The following STAT5B variants were observed in gnomAD, a reference collection of about 807,000 sequenced individuals.
The protein encoded by STAT5B is transcription factor STAT5B.
In STAT5B, 21 loss-of-function variants were observed where a neutral mutation model predicts 107.8. That is an observed-to-expected ratio of 0.19 (90% CI 0.14 to 0.28). STAT5B has a LOEUF of 0.28. Among genes scored for constraint, STAT5B ranks in the 10% least tolerant of loss-of-function variants. STAT5B has a pLI of 1.00. For missense variants in STAT5B, 565 were observed against 1,008.2 expected (o/e 0.56, Z 5.95); for synonymous variants, 325 against 401.7 (o/e 0.81, Z 2.28).
At chr17:42,280,848 C>G (rs1036026146), upstream of STAT5B, among the ~76,000 whole-genome samples, 3 of 152,064 alleles carry the variant, frequency 2.0e-5, no homozygotes, top group African/African-American at 7.2e-5. Flanking sequence ...AACTTACTAG[C>G]TGTTGGCCGG....
chr17:42,211,995 G>T lies in STAT5B; in HGVS notation c.1669C>A (p.Gln557Lys). ...DYSGLSVSWS[Q>K]FNRENLPGRN... ...GCTGGGCTCCTCACCCTGTTGAACT[G>T]GGACCAGGACACAGACAGGCCACTG... The change falls in exon 13 of 19, where the codon CAG (glutamine) becomes AAG (lysine). Residue 557 changes from glutamine to lysine, a missense_variant. By Grantham distance (53) the Gln-to-Lys change is moderately conservative. This residue lies in a region of STAT5B where 127 missense variants were observed against 215.8 expected (regional missense o/e 0.59). Coordinates refer to ENST00000293328, the MANE Select transcript of STAT5B (RefSeq NM_012448.4). 2 of 1,612,272 alleles carry T rather than the reference G, an allele frequency of 1.2e-6. No individual in the cohort carries two copies. The highest frequency in any genetic ancestry group is 2.2e-5 in the East Asian group (1 of 44,776).
At chr17:42,231,915 A>C (rs995694462) in intron 2 of STAT5B, 85 bp downstream of exon 2, 3 of 1,585,118 alleles carry the variant, frequency 1.9e-6, no homozygotes, top group African/African-American at 1.3e-5. Context: ...ACAACTTTGA[A>C]AGTTGCCATC....
At chr17:42,275,280 G>C (rs934429136) in intron 1 of STAT5B, 1 of 152,120 alleles carries the variant, frequency 6.6e-6, no homozygotes, top group African/African-American at 2.4e-5. Context: ...AGGTATGGCG[G>C]GATCACAGGG....
intron 12 of STAT5B, among the ~76,000 whole-genome samples, chr17:42,213,918 G>A (rs1167252573): frequency 6.7e-6 from 1 of 150,036 alleles, no homozygotes; most frequent in Non-Finnish European, 1.5e-5. Context: ...GAGGTGGGTG[G>A]ATCACTTGAG....
rs188611969 is a variant in STAT5B at position 42,219,122 on chromosome 17, G to A, written c.833+190C>T. ...CGAACCCTGTCCCATCTCCAGGACA[G>A]CAGCCCCCTTCCTGGGGGAGGTGCA... On this transcript the variant is annotated intron_variant, in intron 7 of 18. Transcript: ENST00000293328. 2.1e-3 allele frequency among the ~76,000 whole-genome samples: 316 copies of A among 152,320 alleles called. 3 individuals are homozygous for A. Among genetic ancestry groups the A allele is most frequent in the African/African-American group, 7.3e-3 (304 of 41,572 alleles).
chr17:42,266,604 G>A (rs2080674668), intron 1 of STAT5B, among the ~76,000 whole-genome samples: 1 of 151,570 alleles, frequency 6.6e-6, no homozygotes, highest in Admixed American at 6.6e-5. Flanking sequence ...GCCCGGTGCA[G>A]TGACTCATTC....
intron 1 of STAT5B, among the ~76,000 whole-genome samples, chr17:42,232,910 C>T (rs867145181): frequency 3.4e-5 from 5 of 147,676 alleles, no homozygotes; most frequent in East Asian, 4.0e-4. Context: ...GGCAAGATCT[C>T]GGCTCACTGC....
intron 3 of STAT5B, 144 bp from the exon 4 acceptor site, chr17:42,225,012 C>T: frequency 1.3e-6 from 1 of 786,682 alleles, no homozygotes; most frequent in Non-Finnish European, 2.2e-6. Context: ...CAAGAAGGCA[C>T]ATCATGGAAA....
chr17:42,209,652 G>A (rs1342483334), intron 15 of STAT5B, among the ~76,000 whole-genome samples: 1 of 152,176 alleles, frequency 6.6e-6, no homozygotes. Flanking sequence ...AGGCTGCAGT[G>A]AGCCATGTTT....
At chr17:42,251,744 A>C (rs138662103) in intron 1 of STAT5B, among the ~76,000 whole-genome samples, 127 of 152,298 alleles carry the variant, frequency 8.3e-4, no homozygotes, top group African/African-American at 3.0e-3. Flanking sequence ...TCACACCTGT[A>C]ATCTCAGCAC....
chr17:42,202,966 AC>A (rs2080057660), intron 16 of STAT5B, 158 bp from the exon 17 acceptor site: 2 of 956,672 alleles, frequency 2.1e-6, no homozygotes, highest in Non-Finnish European at 3.3e-6. Context: ...GTTTTTTGAA[AC>A]AGTCTCACTC....
chr17:42,256,591 G>A (rs1281980697), intron 1 of STAT5B, among the ~76,000 whole-genome samples: 1 of 152,130 alleles, frequency 6.6e-6, no homozygotes, highest in Admixed American at 6.6e-5. Flanking sequence ...CAGGCACAGT[G>A]GCTCACGCCT....
chr17:42,213,903 A>T (rs1285504661), intron 12 of STAT5B, among the ~76,000 whole-genome samples: 1 of 148,370 alleles, frequency 6.7e-6, no homozygotes, highest in Non-Finnish European at 1.5e-5. Flanking sequence ...GCACTTTGGG[A>T]GGCCGAGGTG....
chr17:42,213,912 TG>T (rs1026700749), intron 12 of STAT5B, among the ~76,000 whole-genome samples: 13 of 148,358 alleles, frequency 8.8e-5, no homozygotes, highest in African/African-American at 3.2e-4. Flanking sequence ...GAGGCCGAGG[TG>T]GGTGGATCAC....
chr17:42,276,203 T>TGGCTTCCCCGGCCC lies in STAT5B; in HGVS notation c.-11+44_-11+45insGGGCCGGGGAAGCC, dbSNP rs1489215307. ...CCCCGCCCGGGCTGGCTCCCCGGCC[T>TGGCTTCCCCGGCCC]GGCTCCCCCGGCCCCGGGCCCAGGG... On this transcript the variant is annotated intron_variant, in intron 1 of 18. Coordinates refer to ENST00000293328, the MANE Select transcript of STAT5B (RefSeq NM_012448.4). This position sits in a 1 kb window ranked among gnomAD's most constrained non-coding sequence, Gnocchi z 4.8. 1 of 146,966 alleles carries TGGCTTCCCCGGCCC rather than the reference T, an allele frequency of 6.8e-6. No homozygotes were observed. The highest frequency in any genetic ancestry group is 1.5e-5 in the Non-Finnish European group (1 of 66,162). 9.1% of individuals were successfully genotyped at this position (146,966 alleles called of 1,614,324 possible).
intron 3 of STAT5B, among the ~76,000 whole-genome samples, chr17:42,225,417 C>T (rs1223838852): frequency 3.9e-5 from 6 of 152,140 alleles, no homozygotes; most frequent in Non-Finnish European, 5.9e-5. Context: ...AGAGGAGAAA[C>T]TGGATGCCAC....
chr17:42,243,033 T>A (rs1478820009), intron 1 of STAT5B, among the ~76,000 whole-genome samples: 1 of 151,766 alleles, frequency 6.6e-6, no homozygotes, highest in African/African-American at 2.4e-5. Context: ...GAGACCTTTG[T>A]TCACTTGTTT....
chr17:42,258,820 G>C, intron 1 of STAT5B, among the ~76,000 whole-genome samples: 1 of 152,188 alleles, frequency 6.6e-6, no homozygotes, highest in South Asian at 2.1e-4. Context: ...GTCATGGTGT[G>C]AACTTGGCAG....
At chr17:42,250,641 G>C (rs748299710) in intron 1 of STAT5B, among the ~76,000 whole-genome samples, 13 of 151,934 alleles carry the variant, frequency 8.6e-5, no homozygotes, top group African/African-American at 1.2e-4. Context: ...AAATCATCAC[G>C]AGGCCGGGCG....
Sources: allele counts gnomAD v4.1 joint callset (sites outside exome capture counted in the v4.1 genomes callset), GRCh38; gene constraint gnomAD v4.1.1; regional missense constraint gnomAD v4.1.1; non-coding constraint Gnocchi (gnomAD v3.1); transcripts MANE v1.5; gene names NCBI Gene and HGNC (gene_info 2026-07-23, HGNC 2026-07-21).